The following MIS18A variants were observed in gnomAD, a reference collection of about 807,000 sequenced individuals.
The protein encoded by MIS18A is MIS18 kinetochore protein A, also known as protein Mis18-alpha.
In MIS18A, 14 loss-of-function variants were observed where a neutral mutation model predicts 25.0. That is an observed-to-expected ratio of 0.56 (90% CI 0.37 to 0.88). MIS18A has a LOEUF of 0.88. Among genes scored for constraint, MIS18A ranks in the 40% least tolerant of loss-of-function variants. The probability of loss-of-function intolerance (pLI) is 0.00; values close to 1 mark genes in which losing one functional copy is unlikely to be tolerated. For synonymous variants in MIS18A, 134 were observed against 118.6 expected (o/e 1.13, Z -0.84); for missense variants, 292 against 290.8 (o/e 1.00, Z -0.03).
At position 32,272,162 on chromosome 21, in the gene MIS18A, T is replaced by C. The variant is rs114730292; in HGVS notation, c.402-1633A>G. ...TCACCCCTTTCATTGAACAGTAACA[T>C]TGAGAAGGCAGTGCCAATAATCGTA... On this transcript the variant is annotated intron_variant, in intron 2 of 4. Transcript: ENST00000290130. 2.3e-3 allele frequency among the ~76,000 whole-genome samples: 356 copies of C among 152,296 alleles called. 2 individuals are homozygous for C. Among genetic ancestry groups the C allele is most frequent in the African/African-American group, 7.7e-3 (322 of 41,556 alleles).
the MIS18A span, among the ~76,000 whole-genome samples, chr21:32,200,669 A>T: frequency 1.3e-5 from 2 of 151,798 alleles, no homozygotes; most frequent in East Asian, 3.9e-4. Flanking sequence ...CGATCTCCTG[A>T]CCTCGTGATT....
chr21:32,278,566 C>A, intron 1 of MIS18A, 115 bp downstream of exon 1: 2 of 1,147,616 alleles, frequency 1.7e-6, no homozygotes, highest in Non-Finnish European at 2.4e-6. Context: ...ACTTTTTGCT[C>A]TTAAAGTCCC....
the MIS18A span, among the ~76,000 whole-genome samples, chr21:32,180,959 G>C: frequency 4.7e-5 from 7 of 148,948 alleles, 1 homozygote; most frequent in South Asian, 1.3e-3. Context: ...GTTAATTTTT[G>C]GGTCAACTTG....
At chr21:32,194,777 C>CAATG in the MIS18A span, among the ~76,000 whole-genome samples, 2 of 152,164 alleles carry the variant, frequency 1.3e-5, no homozygotes, top group Non-Finnish European at 1.5e-5. Flanking sequence ...ATTCCTAGTG[C>CAATG]AATGACTCAG....
the MIS18A span, among the ~76,000 whole-genome samples, chr21:32,259,191 T>C: frequency 3.3e-5 from 5 of 152,156 alleles, no homozygotes; most frequent in African/African-American, 1.2e-4. Flanking sequence ...GCATTTCTGA[T>C]AAGCCTCAGG....
At chr21:32,208,974 C>T in the MIS18A span, among the ~76,000 whole-genome samples, 1 of 152,244 alleles carries the variant, frequency 6.6e-6, no homozygotes, top group Non-Finnish European at 1.5e-5. Context: ...AATCACTAGT[C>T]AAACTCTCTC....
chr21:32,189,158 T>C, the MIS18A span, among the ~76,000 whole-genome samples: 2 of 152,162 alleles, frequency 1.3e-5, no homozygotes, highest in African/African-American at 4.8e-5. Flanking sequence ...CATGTGCAGG[T>C]GCATCAGAAG....
the MIS18A span, among the ~76,000 whole-genome samples, chr21:32,236,251 C>T: frequency 2.6e-5 from 4 of 151,074 alleles, no homozygotes; most frequent in Non-Finnish European, 2.9e-5. Flanking sequence ...GGCGTGGTGG[C>T]GAGCACCTGT....
chr21:32,180,211 T>G, the MIS18A span, among the ~76,000 whole-genome samples: 1 of 152,156 alleles, frequency 6.6e-6, no homozygotes, highest in African/African-American at 2.4e-5. Flanking sequence ...TTCAGACAGG[T>G]GAACCTACAT....
At chr21:32,196,244 C>T in the MIS18A span, among the ~76,000 whole-genome samples, 2 of 152,144 alleles carry the variant, frequency 1.3e-5, no homozygotes, top group Admixed American at 1.3e-4. Flanking sequence ...GAAAAAAAGG[C>T]GGAATAAAGG....
the MIS18A span, among the ~76,000 whole-genome samples, chr21:32,200,319 G>A: frequency 6.6e-6 from 1 of 152,134 alleles, no homozygotes; most frequent in Non-Finnish European, 1.5e-5. Flanking sequence ...CATAAAGTGT[G>A]GAACATTCTA....
In MIS18A at chr21:32,278,755, C is replaced by G. The variant is rs767869159; in HGVS notation, c.260G>C (p.Gly87Ala). 1 of 1,577,734 alleles carries G rather than the reference C, an allele frequency of 6.3e-7. No individual in the cohort carries two copies. Among genetic ancestry groups the G allele is most frequent in the Non-Finnish European group, 8.6e-7 (1 of 1,167,744 alleles). The change falls in exon 1 of 5, where the codon GGC becomes GCC. Residue 87 changes from glycine to alanine, a missense_variant. Coordinates refer to ENST00000290130, the MANE Select transcript of MIS18A (RefSeq NM_018944.3). ...CGAGTCGCCCAGCGGCCGCCGGCAG[C>G]CGGAGCACAGGAACACCAGCGGCCT... ...EERPLVFLCSGCRRPLGDSLS... is the reference protein window; with the variant it reads ...EERPLVFLCSACRRPLGDSLS...
the MIS18A span, among the ~76,000 whole-genome samples, chr21:32,263,026 T>C: frequency 2.0e-5 from 3 of 152,290 alleles, no homozygotes; most frequent in East Asian, 1.9e-4. Context: ...AGCCTACAGA[T>C]AGAACTCAGC....
the MIS18A span, among the ~76,000 whole-genome samples, chr21:32,235,291 C>G: frequency 5.3e-5 from 8 of 152,320 alleles, no homozygotes; most frequent in East Asian, 1.3e-3. Flanking sequence ...AAAGTCCAGC[C>G]CTCTTGCCTC....
chr21:32,211,337 G>A, the MIS18A span, among the ~76,000 whole-genome samples: 28 of 152,332 alleles, frequency 1.8e-4, no homozygotes, highest in African/African-American at 5.8e-4. Flanking sequence ...CATCATCCCT[G>A]ACTGGGCAGG....
the MIS18A span, among the ~76,000 whole-genome samples, chr21:32,231,203 TCCAG>T: frequency 7.3e-6 from 1 of 136,188 alleles, no homozygotes; most frequent in Non-Finnish European, 1.5e-5. Flanking sequence ...AGCACTGCAC[TCCAG>T]CCTAGGCGAC....
At chr21:32,170,082 T>C in the MIS18A span, among the ~76,000 whole-genome samples, 9 of 152,196 alleles carry the variant, frequency 5.9e-5, no homozygotes, top group Middle Eastern at 6.8e-3. Context: ...AAACAAACTA[T>C]TATAAATATG....
chr21:32,199,890 T>C, the MIS18A span, among the ~76,000 whole-genome samples: 1 of 152,202 alleles, frequency 6.6e-6, no homozygotes, highest in African/African-American at 2.4e-5. Context: ...AGTCAGAACC[T>C]ATATTTCTAA....
chr21:32,187,109 A>G, the MIS18A span, among the ~76,000 whole-genome samples: 1 of 152,198 alleles, frequency 6.6e-6, no homozygotes, highest in Admixed American at 6.5e-5. Context: ...GTTTCTGCAC[A>G]TTAACACATT....
Sources: allele counts gnomAD v4.1 joint callset (sites outside exome capture counted in the v4.1 genomes callset), GRCh38; gene constraint gnomAD v4.1.1; transcripts MANE v1.5; gene names NCBI Gene and HGNC (gene_info 2026-07-23, HGNC 2026-07-21).